PPARGC1A: variants seen among roughly 807,000 people sequenced by gnomAD.
PPARGC1A encodes the protein peroxisome proliferator-activated receptor gamma coactivator 1-alpha.
In PPARGC1A, 25 loss-of-function variants were observed where a neutral mutation model predicts 88.7. That is an observed-to-expected ratio of 0.28 (90% CI 0.21 to 0.39). The LOEUF is 0.39. PPARGC1A is among the 10% of genes least tolerant of loss of function. PPARGC1A has a pLI of 1.00. For synonymous variants in PPARGC1A, 363 were observed against 355.6 expected (o/e 1.02, Z -0.24); for missense variants, 880 against 968.7 (o/e 0.91, Z 1.22).
chr4:23,929,697 G>A, the PPARGC1A span, among the ~76,000 whole-genome samples: 2 of 152,198 alleles, frequency 1.3e-5, no homozygotes, highest in Non-Finnish European at 2.9e-5. Context: ...GAAGGTTGAA[G>A]TGGCCCCAAG....
chr4:24,224,786 G>A, the PPARGC1A span, among the ~76,000 whole-genome samples: 3 of 152,160 alleles, frequency 2.0e-5, no homozygotes, highest in African/African-American at 4.8e-5. Context: ...AAGAGTTCAG[G>A]GAGATGAGAG....
chr4:24,450,489 T>C, the PPARGC1A span, among the ~76,000 whole-genome samples: 79 of 152,320 alleles, frequency 5.2e-4, no homozygotes, highest in African/African-American at 1.9e-3. Context: ...TATGGCAAGA[T>C]TTTTATTTAG....
the PPARGC1A span, among the ~76,000 whole-genome samples, chr4:24,148,557 C>A: frequency 8.3e-3 from 1,262 of 152,246 alleles, 22 homozygotes; most frequent in African/African-American, 0.029. Flanking sequence ...CCTCTGACCT[C>A]AAGGAGCTCC....
the PPARGC1A span, among the ~76,000 whole-genome samples, chr4:24,214,583 G>A: frequency 6.6e-6 from 1 of 152,198 alleles, no homozygotes; most frequent in Non-Finnish European, 1.5e-5. Context: ...CAGCTCCACA[G>A]TGGTGGAGAC....
chr4:24,402,017 C>T, the PPARGC1A span, among the ~76,000 whole-genome samples: 2 of 152,194 alleles, frequency 1.3e-5, no homozygotes, highest in African/African-American at 4.8e-5. Context: ...ACAGCACCCA[C>T]TCCGCGGCTG....
At chr4:24,147,652 G>A in the PPARGC1A span, among the ~76,000 whole-genome samples, 19 of 152,162 alleles carry the variant, frequency 1.2e-4, no homozygotes, top group Middle Eastern at 3.2e-3. Context: ...TTCTGAGAGG[G>A]CATCTAGGAG....
intron 2 of PPARGC1A, among the ~76,000 whole-genome samples, chr4:23,855,675 CTT>C (rs1403167454): frequency 6.6e-6 from 1 of 152,138 alleles, no homozygotes; most frequent in Non-Finnish European, 1.5e-5. Flanking sequence ...AGCCCAGACC[CTT>C]AAATAGCTTC....
chr4:23,861,443 C>G (rs909311742), intron 2 of PPARGC1A, among the ~76,000 whole-genome samples: 1 of 152,134 alleles, frequency 6.6e-6, no homozygotes, highest in Non-Finnish European at 1.5e-5. Flanking sequence ...TTCATTCATT[C>G]CTTCATTCAC....
the PPARGC1A span, among the ~76,000 whole-genome samples, chr4:24,466,972 G>A: frequency 2.3e-5 from 2 of 85,962 alleles, no homozygotes; most frequent in South Asian, 4.0e-4. Flanking sequence ...AAGAAAGAAA[G>A]AGAAAGAAAG....
the PPARGC1A span, among the ~76,000 whole-genome samples, chr4:24,116,619 T>A: frequency 2.0e-3 from 308 of 152,226 alleles, no homozygotes; most frequent in African/African-American, 7.1e-3. Context: ...AACCACCCAA[T>A]GCAACGATCT....
chr4:24,169,896 A>G, the PPARGC1A span, among the ~76,000 whole-genome samples: 10 of 152,210 alleles, frequency 6.6e-5, no homozygotes, highest in Admixed American at 2.6e-4. Context: ...ACTATTTTAC[A>G]TGATCATACA....
the PPARGC1A span, among the ~76,000 whole-genome samples, chr4:24,471,938 C>T: frequency 6.6e-6 from 1 of 152,156 alleles, no homozygotes; most frequent in African/African-American, 2.4e-5. This position sits in a 1 kb window ranked among gnomAD's most constrained non-coding sequence, Gnocchi z 5.4. Context: ...CAGCACGTCG[C>T]GGGGGGCTTG....
At chr4:24,021,108 G>T in the PPARGC1A span, among the ~76,000 whole-genome samples, 117 of 152,334 alleles carry the variant, frequency 7.7e-4, no homozygotes, top group African/African-American at 2.6e-3. Flanking sequence ...TTGAAGCAGG[G>T]TTCCTGGCCC....
chr4:24,375,947 T>C, the PPARGC1A span, among the ~76,000 whole-genome samples: 1 of 151,858 alleles, frequency 6.6e-6, no homozygotes, highest in South Asian at 2.1e-4. Flanking sequence ...CCATACCAAA[T>C]GGTTACTAGT....
the PPARGC1A span, among the ~76,000 whole-genome samples, chr4:24,441,771 AAAG>A: frequency 1.1e-3 from 164 of 152,272 alleles, 2 homozygotes; most frequent in South Asian, 0.016. Flanking sequence ...AAGGAAGGAG[AAAG>A]AAGAGAAAGG....
the PPARGC1A span, among the ~76,000 whole-genome samples, chr4:24,426,104 C>G: frequency 6.6e-6 from 1 of 152,116 alleles, no homozygotes; most frequent in Non-Finnish European, 1.5e-5. Flanking sequence ...GGGGAGGGAA[C>G]ACTTGCAATC....
chr4:23,924,273 T>G, the PPARGC1A span, among the ~76,000 whole-genome samples: 24 of 152,180 alleles, frequency 1.6e-4, no homozygotes, highest in African/African-American at 5.8e-4. Context: ...CTCACTCCCT[T>G]TTTTGGGGGG....
At chr4:23,921,957 C>CCATT in the PPARGC1A span, among the ~76,000 whole-genome samples, 1 of 152,142 alleles carries the variant, frequency 6.6e-6, no homozygotes, top group African/African-American at 2.4e-5. Context: ...GAGAATAATA[C>CCATT]CATTCATTCA....
chr4:24,240,717 C>A, the PPARGC1A span, among the ~76,000 whole-genome samples: 10 of 152,122 alleles, frequency 6.6e-5, no homozygotes, highest in Non-Finnish European at 1.3e-4. Context: ...GACAGTAGTT[C>A]AAACAGAGGT....
Sources: allele counts gnomAD v4.1 joint callset (sites outside exome capture counted in the v4.1 genomes callset), GRCh38; gene constraint gnomAD v4.1.1; non-coding constraint Gnocchi (gnomAD v3.1); transcripts MANE v1.5; gene names NCBI Gene and HGNC (gene_info 2026-07-23, HGNC 2026-07-21).